The following RIMS1 variants were observed in gnomAD, a reference collection of about 807,000 sequenced individuals.
The protein encoded by RIMS1 is regulating synaptic membrane exocytosis protein 1.
A neutral mutation model predicts 214.1 loss-of-function variants in RIMS1; 83 were observed. The ratio of observed to expected loss-of-function variants is 0.39; its 90% CI spans 0.32 to 0.47. RIMS1 has a LOEUF of 0.47. Among genes scored for constraint, RIMS1 ranks in the 20% least tolerant of loss-of-function variants. The pLI is 0.99. For synonymous variants in RIMS1, 793 were observed against 786.8 expected (o/e 1.01, Z -0.13); for missense variants, 2,050 against 2,161.8 (o/e 0.95, Z 1.03).
In RIMS1 at chr6:71,969,027, C is replaced by T. The variant is rs775212375; in HGVS notation, c.209C>T (p.Pro70Leu). 1 of 1,613,996 alleles carries T rather than the reference C, an allele frequency of 6.2e-7. No homozygotes were observed. Among genetic ancestry groups the T allele is most frequent in the Non-Finnish European group, 8.5e-7 (1 of 1,179,872 alleles). The change falls in exon 2 of 34, where the codon CCA (proline) becomes CTA (leucine). Residue 70 changes from proline to leucine, a missense_variant. Coordinates refer to ENST00000521978, the MANE Select transcript of RIMS1 (RefSeq NM_014989.7). ...DMAKPAACKT[P>L]RNAENQPHQP... The stretch of plus-strand genomic sequence containing the variant: ...GCGAAGCCTGCTGCCTGCAAAACAC[C>T]AAGAAATGCTGAAAACCAGCCCCAC...
At chr6:72,185,078 A>G (rs747326800) in intron 6 of RIMS1, among the ~76,000 whole-genome samples, 5 of 152,194 alleles carry the variant, frequency 3.3e-5, no homozygotes, top group African/African-American at 4.8e-5. Context: ...ATATTGAACA[A>G]TGCCCCTAGC....
chr6:71,948,309 C>T (rs1327011084), intron 1 of RIMS1, among the ~76,000 whole-genome samples: 2 of 152,076 alleles, frequency 1.3e-5, no homozygotes, highest in African/African-American at 4.8e-5. Context: ...TATGCTTCTC[C>T]AATCTCTTAA....
chr6:72,316,759 C>G, intron 28 of RIMS1: 1 of 680,688 alleles, frequency 1.5e-6, no homozygotes, highest in South Asian at 1.4e-5. Context: ...GAGGCCACTC[C>G]CTAGTAGGCA....
At chr6:72,262,923 T>A (rs2078705109) in intron 19 of RIMS1, 14 of 482,070 alleles carry the variant, frequency 2.9e-5, no homozygotes, top group Non-Finnish European at 3.8e-5. Context: ...AAATATTTAA[T>A]GTACTTTGTC....
chr6:72,050,596 C>T (rs962976854), intron 2 of RIMS1, among the ~76,000 whole-genome samples: 2 of 152,074 alleles, frequency 1.3e-5, no homozygotes, highest in Admixed American at 6.6e-5. Flanking sequence ...TACTTGACTC[C>T]CTCCTCCCTG....
Position 72,258,906 on chromosome 6 carries a change from C to T in RIMS1, c.2928-80C>T, listed in dbSNP as rs6923891. ...TCAGTGTTTATTTGCATATTACTCT[C>T]AGTTCCTTCACTTTAGTCTGTCTGC... On this transcript the variant is annotated intron_variant, in intron 17 of 33. Coordinates refer to ENST00000521978, the MANE Select transcript of RIMS1 (RefSeq NM_014989.7). The T allele has an allele frequency of 0.63, 828,889 of 1,306,920 alleles. 268,220 individuals carry two copies. Among genetic ancestry groups the T allele is most frequent in the East Asian group, 0.98 (42,486 of 43,198 alleles). 81.0% of individuals were successfully genotyped at this position (1,306,920 alleles called of 1,614,324 possible).
chr6:72,284,142 T>C (rs759515018), intron 24 of RIMS1, 24 bp downstream of exon 24: 2 of 1,594,740 alleles, frequency 1.3e-6, no homozygotes, highest in Non-Finnish European at 1.7e-6. Context: ...TGTGGTGTGC[T>C]GACATCTTCC....
At chr6:72,298,466 G>T (rs955741737) in intron 26 of RIMS1, among the ~76,000 whole-genome samples, 1 of 151,956 alleles carries the variant, frequency 6.6e-6, no homozygotes, top group African/African-American at 2.4e-5. Context: ...CAGGGAACTT[G>T]TTCTCATCCA....
At chr6:72,090,385 C>G (rs1835893635) in intron 2 of RIMS1, among the ~76,000 whole-genome samples, 3 of 152,024 alleles carry the variant, frequency 2.0e-5, no homozygotes, top group Non-Finnish European at 2.9e-5. Context: ...GACCCCACAA[C>G]CATCCCTCTT....
Position 72,321,502 on chromosome 6 carries a change from G to A in RIMS1, c.4130+7830G>A, listed in dbSNP as rs112709063. Among the ~76,000 whole-genome samples the A allele has an allele frequency of 6.6e-4, 101 of 152,010 alleles. 1 individual carries two copies. Among genetic ancestry groups the A allele is most frequent in the African/African-American group, 2.2e-3 (92 of 41,494 alleles). On this transcript the variant is annotated intron_variant, in intron 28 of 33. Transcript: ENST00000521978. ...TTAGAACAAGTATGAAAACATTATC[G>A]GCTTGTTTAGTATTTTAACAGAATA...
At chr6:72,286,734 A>G (rs2092387492) in intron 24 of RIMS1, among the ~76,000 whole-genome samples, 3 of 152,082 alleles carry the variant, frequency 2.0e-5, no homozygotes, top group Admixed American at 6.5e-5. Flanking sequence ...CCGAAGACAC[A>G]GTATAAATGC....
At chr6:72,042,702 T>A (rs1821789807) in intron 2 of RIMS1, among the ~76,000 whole-genome samples, 1 of 151,886 alleles carries the variant, frequency 6.6e-6, no homozygotes, top group African/African-American at 2.4e-5. Context: ...ATATTGTGCT[T>A]AGGATTTACA....
intron 2 of RIMS1, among the ~76,000 whole-genome samples, chr6:72,075,905 T>C (rs972325810): frequency 2.0e-5 from 3 of 152,214 alleles, no homozygotes; most frequent in Non-Finnish European, 4.4e-5. Context: ...GCTGTTCTTT[T>C]AGACTAGACC....
intron 15 of RIMS1, among the ~76,000 whole-genome samples, chr6:72,251,626 C>T (rs1256927366): frequency 6.6e-6 from 1 of 152,108 alleles, no homozygotes; most frequent in African/African-American, 2.4e-5. Flanking sequence ...GCCAATTGAG[C>T]TGTTGGTTAT....
At chr6:72,231,198 G>A (rs1336044311) in intron 6 of RIMS1, among the ~76,000 whole-genome samples, 1 of 151,674 alleles carries the variant, frequency 6.6e-6, no homozygotes. Context: ...AATTAAGAGT[G>A]CTTCAAAGTT....
At position 72,258,010 on chromosome 6, in the gene RIMS1, T is replaced by A. The variant is rs571976764; in HGVS notation, c.2771-115T>A. 3.3e-6 allele frequency: 3 copies of A among 907,834 alleles called. No individual in the cohort carries two copies. The East Asian group carries it at 7.9e-5, about 24-fold the overall frequency. 56.2% of individuals were successfully genotyped at this position (907,834 alleles called of 1,614,324 possible). On this transcript the variant is annotated intron_variant, in intron 16 of 33. Coordinates refer to ENST00000521978, the MANE Select transcript of RIMS1 (RefSeq NM_014989.7). ...GATAAGGCTATTAATACCGATTGCATGACATTTATTCTTCATAGATCAATG... is the reference window on the plus strand; with the variant it reads ...GATAAGGCTATTAATACCGATTGCAAGACATTTATTCTTCATAGATCAATG...
chr6:72,215,612 G>A lies in RIMS1; in HGVS notation c.1679-18161G>A, dbSNP rs76893235. On this transcript the variant is annotated intron_variant, in intron 6 of 33. Transcript: ENST00000521978. ...ATTAACTAAATAAAATTAATAGACAGTATAATATTTGGCACTTAATAAGCA... is the reference window on the plus strand; with the variant it reads ...ATTAACTAAATAAAATTAATAGACAATATAATATTTGGCACTTAATAAGCA... Among the ~76,000 whole-genome samples, 150 of 152,264 alleles carry A rather than the reference G, an allele frequency of 9.9e-4. No individual in the cohort carries two copies. The East Asian group carries it at 0.025, about 26-fold the overall frequency.
chr6:71,967,041 A>G (rs923662076), intron 1 of RIMS1, among the ~76,000 whole-genome samples: 14 of 152,144 alleles, frequency 9.2e-5, no homozygotes, highest in Admixed American at 7.2e-4. Context: ...ATTCTTTAGA[A>G]TTTTTCCAAG....
chr6:72,033,779 G>T (rs535195042), intron 2 of RIMS1, among the ~76,000 whole-genome samples: 1 of 152,200 alleles, frequency 6.6e-6, no homozygotes, highest in African/African-American at 2.4e-5. Context: ...ACCGTGCCCG[G>T]CCATGTTCTT....
Sources: gnomAD v4.1 joint callset for allele counts (sites outside exome capture counted in the v4.1 genomes callset) on GRCh38, gnomAD v4.1.1 for gene constraint, MANE v1.5 for transcripts, NCBI Gene and HGNC (gene_info 2026-07-23, HGNC 2026-07-21) for gene names.